The following ARHGAP15 variants were observed in gnomAD, a reference collection of about 807,000 sequenced individuals.
ARHGAP15 encodes the protein Rho GTPase activating protein 15, also known as rho GTPase-activating protein 15.
Under a neutral mutation model 63.7 loss-of-function variants are expected in ARHGAP15, and 51 were observed. The ratio of observed to expected loss-of-function variants is 0.80; its 90% CI spans 0.64 to 1.01. ARHGAP15 has a LOEUF of 1.01. Ranked by LOEUF, ARHGAP15 falls within the 50% of genes least tolerant of loss-of-function variation. The probability of loss-of-function intolerance (pLI) is 0.00; values close to 1 mark genes in which losing one functional copy is unlikely to be tolerated. For synonymous variants in ARHGAP15, 191 were observed against 193.8 expected (o/e 0.99, Z 0.12); for missense variants, 560 against 564.6 (o/e 0.99, Z 0.08).
At chr2:143,290,834 A>C (rs940802950) in intron 6 of ARHGAP15, among the ~76,000 whole-genome samples, 1 of 152,168 alleles carries the variant, frequency 6.6e-6, no homozygotes. Flanking sequence ...TGAGGGAAAC[A>C]CAGATTACTC....
intron 6 of ARHGAP15, among the ~76,000 whole-genome samples, chr2:143,390,731 G>GCACA (rs3071055): frequency 5.8e-4 from 85 of 147,588 alleles, no homozygotes; most frequent in African/African-American, 1.9e-3. Flanking sequence ...GAAAACACAT[G>GCACA]CACACACACA....
chr2:143,440,073 T>C (rs1300321942), intron 8 of ARHGAP15, among the ~76,000 whole-genome samples: 1 of 152,132 alleles, frequency 6.6e-6, no homozygotes, highest in Non-Finnish European at 1.5e-5. Flanking sequence ...TTTTTTGCAA[T>C]GTAGGACACA....
At chr2:143,162,236 C>T (rs974874921) in intron 2 of ARHGAP15, 27 of 151,972 alleles carry the variant, frequency 1.8e-4, no homozygotes, top group African/African-American at 5.6e-4. Context: ...GTTTATGTAA[C>T]GGTTCCTGTA....
chr2:143,764,184 T>C (rs1686873590), intron 13 of ARHGAP15, among the ~76,000 whole-genome samples: 1 of 152,144 alleles, frequency 6.6e-6, no homozygotes, highest in Non-Finnish European at 1.5e-5. Context: ...GACACATGCA[T>C]AAAAGCACAA....
chr2:143,721,690 CTT>C (rs890798975), intron 13 of ARHGAP15, among the ~76,000 whole-genome samples: 2 of 146,214 alleles, frequency 1.4e-5, no homozygotes, highest in African/African-American at 2.5e-5. Context: ...CCTTTTTAAA[CTT>C]TTTTTTTTTT....
At chr2:143,311,379 G>T (rs1433691930) in intron 6 of ARHGAP15, among the ~76,000 whole-genome samples, 1 of 150,168 alleles carries the variant, frequency 6.7e-6, no homozygotes, top group Non-Finnish European at 1.5e-5. Context: ...TAAATAATTT[G>T]AAAAATTTCA....
intron 13 of ARHGAP15, among the ~76,000 whole-genome samples, chr2:143,764,019 A>G (rs192415470): frequency 1.7e-3 from 264 of 152,016 alleles, no homozygotes; most frequent in African/African-American, 6.1e-3. Context: ...ACAGGAATAC[A>G]AAACTATGTG....
At chr2:143,343,456 A>G (rs1035063927) in intron 6 of ARHGAP15, among the ~76,000 whole-genome samples, 1 of 152,134 alleles carries the variant, frequency 6.6e-6, no homozygotes, top group Non-Finnish European at 1.5e-5. Context: ...AATGTTTTAT[A>G]TCTTTGTTAG....
At chr2:143,152,143 A>C (rs1169449552) in intron 1 of ARHGAP15, among the ~76,000 whole-genome samples, 1 of 151,990 alleles carries the variant, frequency 6.6e-6, no homozygotes, top group Non-Finnish European at 1.5e-5. Flanking sequence ...CTCTCAGTCA[A>C]TCATTCAGCC....
At position 143,180,918 on chromosome 2, in the gene ARHGAP15, C is replaced by T. The variant is rs760121651; in HGVS notation, c.166-21216C>T. Among the ~76,000 whole-genome samples, 49 of 152,184 alleles carry T rather than the reference C, an allele frequency of 3.2e-4. 1 individual carries two copies. The South Asian group carries it at 3.5e-3, about 11-fold the overall frequency. ...TCGATCTCCTGACCTCGTGATCCGT[C>T]GCCTCGGCCTCCCAAAGTGCTGGGA... On this transcript the variant is annotated intron_variant, in intron 2 of 13. Coordinates refer to ENST00000295095, the MANE Select transcript of ARHGAP15 (RefSeq NM_018460.4).
At chr2:143,673,750 GTGTGTGTGTATATATATATATA>G (rs1467389399) in intron 12 of ARHGAP15, among the ~76,000 whole-genome samples, 1 of 34,632 alleles carries the variant, frequency 2.9e-5, no homozygotes, top group Non-Finnish European at 7.4e-5. Context: ...GTGTGTGTGT[GTGTGTGTGTATATATATATATA>G]TATATATATA....
At chr2:143,458,193 TG>T in intron 8 of ARHGAP15, among the ~76,000 whole-genome samples, 1 of 152,162 alleles carries the variant, frequency 6.6e-6, no homozygotes, top group Non-Finnish European at 1.5e-5. Flanking sequence ...GATTTACTAG[TG>T]AATGATGTTA....
intron 6 of ARHGAP15, among the ~76,000 whole-genome samples, chr2:143,303,576 A>G (rs1215451222): frequency 6.6e-6 from 1 of 152,134 alleles, no homozygotes; most frequent in Non-Finnish European, 1.5e-5. Context: ...CATGTCTAAA[A>G]CACTAAAAGC....
At chr2:143,342,976 A>C (rs561127792) in intron 6 of ARHGAP15, among the ~76,000 whole-genome samples, 2 of 152,104 alleles carry the variant, frequency 1.3e-5, no homozygotes, top group African/African-American at 4.8e-5. Context: ...TTTTTGTTGT[A>C]TTATTTTGCA....
chr2:143,487,599 T>G, intron 9 of ARHGAP15, 104 bp downstream of exon 9: 1 of 1,290,830 alleles, frequency 7.7e-7, no homozygotes, highest in Non-Finnish European at 1.0e-6. Context: ...TTATTCTTCT[T>G]AGGTTGCTTA....
chr2:143,258,352 T>C (rs1334167040), intron 6 of ARHGAP15, among the ~76,000 whole-genome samples: 4 of 151,926 alleles, frequency 2.6e-5, no homozygotes, highest in Non-Finnish European at 4.4e-5. Context: ...AGAGCAATGT[T>C]TAAAGCAATA....
At chr2:143,501,948 G>C (rs1693082394) in intron 9 of ARHGAP15, among the ~76,000 whole-genome samples, 1 of 152,160 alleles carries the variant, frequency 6.6e-6, no homozygotes, top group African/African-American at 2.4e-5. Context: ...TTTTGCCAGG[G>C]AGCTGTGGCC....
At chr2:143,403,287 C>A (rs1430550013) in intron 6 of ARHGAP15, among the ~76,000 whole-genome samples, 1 of 151,526 alleles carries the variant, frequency 6.6e-6, no homozygotes, top group Non-Finnish European at 1.5e-5. Context: ...ATATTATTTT[C>A]TTTCAACACT....
intron 5 of ARHGAP15, among the ~76,000 whole-genome samples, chr2:143,229,620 C>T (rs1051760930): frequency 2.5e-4 from 38 of 152,098 alleles, no homozygotes; most frequent in African/African-American, 9.2e-4. Flanking sequence ...CACAGCCCAT[C>T]GGCCTGATGG....
Sources: gnomAD v4.1 joint callset for allele counts (sites outside exome capture counted in the v4.1 genomes callset) on GRCh38, gnomAD v4.1.1 for gene constraint, MANE v1.5 for transcripts, NCBI Gene and HGNC (gene_info 2026-07-23, HGNC 2026-07-21) for gene names.